Variants in DEPTOR observed in about 807,000 individuals in gnomAD.
DEPTOR encodes the protein DEP domain-containing mTOR-interacting protein.
A neutral mutation model predicts 41.6 loss-of-function variants in DEPTOR; 41 were observed. The ratio of observed to expected loss-of-function variants is 0.98; its 90% CI spans 0.77 to 1.28. DEPTOR has a LOEUF of 1.28. DEPTOR is among the 50% of genes most tolerant of loss of function. The pLI, the probability that DEPTOR is intolerant of heterozygous loss-of-function variation, is 0.00. For missense variants in DEPTOR, 514 were observed against 527.9 expected (o/e 0.97, Z 0.26); for synonymous variants, 195 against 192.3 (o/e 1.01, Z -0.12).
At chr8:119,969,349 TG>T (rs199747864) in intron 4 of DEPTOR, among the ~76,000 whole-genome samples, 3,600 of 149,008 alleles carry the variant, frequency 0.024, 62 homozygotes, top group African/African-American at 0.046. Context: ...AAATCTGTTT[TG>T]TTTTTTTTTG....
chr8:120,004,465 G>C (rs1812403381), intron 6 of DEPTOR, among the ~76,000 whole-genome samples: 1 of 152,152 alleles, frequency 6.6e-6, no homozygotes, highest in Non-Finnish European at 1.5e-5. Context: ...AATCTGACAG[G>C]CATCCTCAAA....
intron 8 of DEPTOR, among the ~76,000 whole-genome samples, chr8:120,040,391 G>A (rs7824793): frequency 0.44 from 66,522 of 151,368 alleles, 15,530 homozygotes; most frequent in African/African-American, 0.59. Context: ...CCTGGCTAAC[G>A]TGGTGAAACC....
chr8:120,021,576 A>T (rs1030745669), intron 8 of DEPTOR, among the ~76,000 whole-genome samples: 2 of 152,210 alleles, frequency 1.3e-5, no homozygotes, highest in Non-Finnish European at 2.9e-5. Flanking sequence ...TGCAAACAAA[A>T]CACAAAGTAA....
intron 4 of DEPTOR, among the ~76,000 whole-genome samples, chr8:119,987,830 AC>A (rs1398127262): frequency 2.6e-5 from 4 of 152,074 alleles, no homozygotes; most frequent in South Asian, 2.1e-4. Context: ...GGGGAAAACC[AC>A]CTACTCAAGC....
At chr8:120,018,793 G>T (rs1487492581) in intron 8 of DEPTOR, among the ~76,000 whole-genome samples, 1 of 152,158 alleles carries the variant, frequency 6.6e-6, no homozygotes, top group Non-Finnish European at 1.5e-5. Flanking sequence ...GCCTGAGATG[G>T]CAGCTTCTCA....
intron 6 of DEPTOR, among the ~76,000 whole-genome samples, chr8:120,004,871 G>A (rs1435739781): frequency 6.6e-6 from 1 of 151,880 alleles, no homozygotes; most frequent in Non-Finnish European, 1.5e-5. Flanking sequence ...GGCCTTCACA[G>A]TGATGCATTT....
rs749120675 is a variant in DEPTOR at position 119,941,373 on chromosome 8, C to CAAA, written c.425+11457_425+11459dup. ...GGGCAACAAGAGCAAATCTCCATCT[C>CAAA]AAAAAAAAAAAAAAAAAAAAAAAAG... On this transcript the variant is annotated intron_variant, in intron 3 of 8. Coordinates refer to ENST00000286234, the MANE Select transcript of DEPTOR (RefSeq NM_022783.4). Among the ~76,000 whole-genome samples, 101 of 39,692 alleles carry CAAA rather than the reference C, an allele frequency of 2.5e-3. 2 individuals are homozygous for CAAA. Among genetic ancestry groups the CAAA allele is most frequent in the African/African-American group, 5.0e-3 (42 of 8,402 alleles). 26.0% of individuals were successfully genotyped at this position (39,692 alleles called of 152,430 possible).
intron 8 of DEPTOR, among the ~76,000 whole-genome samples, chr8:120,021,483 G>T (rs2130138087): frequency 6.6e-6 from 1 of 152,174 alleles, no homozygotes; most frequent in Middle Eastern, 3.4e-3. Flanking sequence ...AATATTTCTG[G>T]GTGTCATTTA....
intron 3 of DEPTOR, among the ~76,000 whole-genome samples, chr8:119,948,367 G>T (rs964368339): frequency 6.6e-6 from 1 of 152,054 alleles, no homozygotes; most frequent in Non-Finnish European, 1.5e-5. Context: ...AGCCAAGATC[G>T]TGCCACTGCA....
chr8:120,039,978 G>A (rs1446690866), intron 8 of DEPTOR, among the ~76,000 whole-genome samples: 1 of 151,924 alleles, frequency 6.6e-6, no homozygotes, highest in Non-Finnish European at 1.5e-5. Flanking sequence ...CAAGTAGCTG[G>A]GACTACAGGC....
chr8:119,915,751 A>G (rs762419661), intron 1 of DEPTOR, among the ~76,000 whole-genome samples: 1 of 152,176 alleles, frequency 6.6e-6, no homozygotes, highest in Non-Finnish European at 1.5e-5. Flanking sequence ...GGTTGATACC[A>G]TAGAAGAGAT....
chr8:120,003,379 T>C (rs959741147), intron 6 of DEPTOR, among the ~76,000 whole-genome samples: 1 of 152,070 alleles, frequency 6.6e-6, no homozygotes, highest in African/African-American at 2.4e-5. Flanking sequence ...GGAGTTGTGT[T>C]GAGGGGGCTG....
chr8:119,907,242 G>A (rs891605714), intron 1 of DEPTOR, among the ~76,000 whole-genome samples: 2 of 152,106 alleles, frequency 1.3e-5, no homozygotes, highest in African/African-American at 4.8e-5. Flanking sequence ...TGTGTGAAGT[G>A]CAATTAACAT....
chr8:119,896,793 C>T (rs1464760161), intron 1 of DEPTOR, among the ~76,000 whole-genome samples: 2 of 152,116 alleles, frequency 1.3e-5, no homozygotes, highest in Non-Finnish European at 2.9e-5. Flanking sequence ...CCACCGTGCC[C>T]AGCCTTGACT....
At chr8:119,891,230 T>TC (rs976450953) in intron 1 of DEPTOR, 1 of 106,178 alleles carries the variant, frequency 9.4e-6, no homozygotes, top group African/African-American at 2.8e-5. Flanking sequence ...GGCTGTAGAC[T>TC]CGGTCTATTT....
intron 8 of DEPTOR, among the ~76,000 whole-genome samples, chr8:120,024,418 T>C (rs1812768888): frequency 6.6e-6 from 1 of 152,242 alleles, no homozygotes; most frequent in African/African-American, 2.4e-5. Flanking sequence ...CAAAAAGATA[T>C]GTTGAAGTCC....
At chr8:119,940,132 G>A (rs1280975517) in intron 3 of DEPTOR, among the ~76,000 whole-genome samples, 4 of 151,512 alleles carry the variant, frequency 2.6e-5, no homozygotes, top group East Asian at 2.0e-4. Context: ...CAGGAGAATC[G>A]CTTGAACGCA....
At chr8:119,970,283 T>C (rs1305206252) in intron 4 of DEPTOR, among the ~76,000 whole-genome samples, 1 of 152,234 alleles carries the variant, frequency 6.6e-6, no homozygotes, top group Non-Finnish European at 1.5e-5. Context: ...TTCACACATA[T>C]GCTTTGTATG....
intron 1 of DEPTOR, chr8:119,874,260 CA>C (rs1482465795): frequency 1.2e-5 from 5 of 412,190 alleles, no homozygotes; most frequent in Admixed American, 5.0e-5. Context: ...CCCTGCCACC[CA>C]CCGCGCTGTC....
Sources: gnomAD v4.1 joint callset for allele counts (sites outside exome capture counted in the v4.1 genomes callset) on GRCh38, gnomAD v4.1.1 for gene constraint, MANE v1.5 for transcripts, NCBI Gene and HGNC (gene_info 2026-07-23, HGNC 2026-07-21) for gene names.